NAALADL2: variants seen among roughly 807,000 people sequenced by gnomAD.
The protein encoded by NAALADL2 is inactive N-acetylated-alpha-linked acidic dipeptidase-like protein 2.
In NAALADL2, 76 loss-of-function variants were observed where a neutral mutation model predicts 87.2. The ratio of observed to expected loss-of-function variants is 0.87; its 90% CI spans 0.72 to 1.05. The LOEUF is 1.05. Among genes scored for constraint, NAALADL2 ranks in the 50% least tolerant of loss-of-function variants. The probability of loss-of-function intolerance (pLI) is 0.00; values close to 1 mark genes in which losing one functional copy is unlikely to be tolerated. For missense variants in NAALADL2, 1,089 were observed against 945.8 expected (o/e 1.15, Z -1.99); for synonymous variants, 354 against 331.0 (o/e 1.07, Z -0.75).
intron 1 of NAALADL2, among the ~76,000 whole-genome samples, chr3:175,060,328 A>G (rs1713161606): frequency 6.6e-6 from 1 of 152,222 alleles, no homozygotes; most frequent in African/African-American, 2.4e-5. Flanking sequence ...AAGTTCGTAA[A>G]TACAAATAGA....
rs76324121 is a variant in NAALADL2 at position 174,674,377 on chromosome 3, T to C, written c.-114-63264T>C. On this transcript the variant is annotated intron_variant, in intron 2 of 3. Coordinates refer to the NAALADL2 transcript ENST00000434257. ...CAGATCCAAACCATATCAGCATGTC[T>C]AAAAGGTGAGGAGACAGCCATTCCA... 4.8e-3 allele frequency among the ~76,000 whole-genome samples: 728 copies of C among 152,074 alleles called. 7 individuals are homozygous for C. The highest frequency in any genetic ancestry group is 0.017 in the African/African-American group (700 of 41,516).
chr3:174,886,877 G>T (rs1387353908), intron 1 of NAALADL2, among the ~76,000 whole-genome samples: 2 of 151,780 alleles, frequency 1.3e-5, no homozygotes, highest in Non-Finnish European at 2.9e-5. Context: ...ATTTCTATTG[G>T]GTCCTTTGGC....
intron 7 of NAALADL2, 22 bp from the exon 8 acceptor site, chr3:175,466,957 T>C: frequency 6.4e-7 from 1 of 1,568,682 alleles, no homozygotes; most frequent in Non-Finnish European, 8.8e-7. Context: ...TTTAAATGGC[T>C]CTTGTCCCTT....
At chr3:175,292,978 A>G (rs992768955) in intron 4 of NAALADL2, among the ~76,000 whole-genome samples, 1 of 145,660 alleles carries the variant, frequency 6.9e-6, no homozygotes, top group Non-Finnish European at 1.5e-5. Flanking sequence ...CGGAGCTTGC[A>G]ATGAGCCGAG....
chr3:174,795,722 A>G (rs1422121556), intron 3 of NAALADL2, among the ~76,000 whole-genome samples: 2 of 152,192 alleles, frequency 1.3e-5, no homozygotes, highest in Non-Finnish European at 2.9e-5. Context: ...CTTGTATAGT[A>G]TAGCTATCCT....
At chr3:174,535,530 T>C (rs1271692513) in intron 1 of NAALADL2, among the ~76,000 whole-genome samples, 1 of 152,160 alleles carries the variant, frequency 6.6e-6, no homozygotes, top group East Asian at 1.9e-4. Context: ...CTACTATTTA[T>C]TGACAATTTG....
chr3:174,826,949 T>A (rs926083440), intron 3 of NAALADL2, among the ~76,000 whole-genome samples: 20 of 152,262 alleles, frequency 1.3e-4, no homozygotes, highest in African/African-American at 4.8e-4. Flanking sequence ...TTAGCCTAAA[T>A]TAATTAAGAA....
chr3:174,552,399 A>T (rs1331278648), intron 2 of NAALADL2, among the ~76,000 whole-genome samples: 1 of 152,152 alleles, frequency 6.6e-6, no homozygotes, highest in Non-Finnish European at 1.5e-5. Flanking sequence ...ATAGTTTTTA[A>T]TTTCACATTC....
chr3:174,609,164 C>A (rs895356666), intron 2 of NAALADL2, among the ~76,000 whole-genome samples: 2 of 152,100 alleles, frequency 1.3e-5, no homozygotes, highest in African/African-American at 2.4e-5. Context: ...GGATGTATGT[C>A]AAAATAATAA....
chr3:174,916,877 T>C (rs1282322541), intron 1 of NAALADL2, among the ~76,000 whole-genome samples: 1 of 152,090 alleles, frequency 6.6e-6, no homozygotes, highest in Non-Finnish European at 1.5e-5. Flanking sequence ...AAAAATTAAA[T>C]TACTTAAAAA....
chr3:175,416,719 A>T (rs1241742771), intron 5 of NAALADL2, among the ~76,000 whole-genome samples: 1 of 152,160 alleles, frequency 6.6e-6, no homozygotes, highest in East Asian at 1.9e-4. Context: ...TTAGCCCTTA[A>T]GGCTCTTTTC....
intron 10 of NAALADL2, among the ~76,000 whole-genome samples, chr3:175,596,997 T>A (rs1262043283): frequency 6.6e-6 from 1 of 152,000 alleles, no homozygotes; most frequent in Non-Finnish European, 1.5e-5. Flanking sequence ...ATGGCATTTA[T>A]ATGTAATATA....
At position 174,761,185 on chromosome 3, in the gene NAALADL2, C is replaced by T. The variant is rs371635286; in HGVS notation, c.-9+23439C>T. On this transcript the variant is annotated intron_variant, in intron 3 of 3. Coordinates refer to the NAALADL2 transcript ENST00000434257. Reference sequence around the variant, plus strand: ...ATGGTTCTATATGAAAATCTATTTCCGAGTGCCTAGCAGTATCTATCTTAT... The same window carrying T: ...ATGGTTCTATATGAAAATCTATTTCTGAGTGCCTAGCAGTATCTATCTTAT... Among the ~76,000 whole-genome samples the T allele has an allele frequency of 9.9e-5, 15 of 152,128 alleles. No homozygotes were observed. In the East Asian group the frequency reaches 1.4e-3, roughly 14 times the overall value.
At chr3:175,600,663 G>A (rs184223964) in intron 10 of NAALADL2, among the ~76,000 whole-genome samples, 3 of 145,028 alleles carry the variant, frequency 2.1e-5, no homozygotes, top group Admixed American at 7.2e-5. Flanking sequence ...TCAGCCTCCC[G>A]AGTAGCTGGG....
At chr3:174,994,801 T>A (rs1173737209) in intron 1 of NAALADL2, among the ~76,000 whole-genome samples, 3 of 152,220 alleles carry the variant, frequency 2.0e-5, no homozygotes, top group Non-Finnish European at 4.4e-5. Context: ...ACATTATTTT[T>A]AATATATTTT....
At chr3:175,049,036 A>T (rs1214000808) in intron 1 of NAALADL2, among the ~76,000 whole-genome samples, 1 of 152,132 alleles carries the variant, frequency 6.6e-6, no homozygotes, top group Non-Finnish European at 1.5e-5. Context: ...ATCCATGGGG[A>T]TACATCCTAA....
chr3:174,669,275 T>C (rs1726290583), intron 2 of NAALADL2, among the ~76,000 whole-genome samples: 1 of 151,816 alleles, frequency 6.6e-6, no homozygotes, highest in African/African-American at 2.4e-5. Flanking sequence ...TTTTTTTTTC[T>C]TGTAAATTTG....
At chr3:175,599,074 C>A (rs1722613552) in intron 10 of NAALADL2, among the ~76,000 whole-genome samples, 1 of 152,040 alleles carries the variant, frequency 6.6e-6, no homozygotes, top group Non-Finnish European at 1.5e-5. Flanking sequence ...ATGGTGTGGC[C>A]TCAGTGGCAA....
chr3:175,100,642 A>T (rs970047673), intron 2 of NAALADL2, among the ~76,000 whole-genome samples: 3 of 152,112 alleles, frequency 2.0e-5, no homozygotes, highest in African/African-American at 7.2e-5. Flanking sequence ...GTTCAAGACC[A>T]GCCTGGCCAA....
Sources: gnomAD v4.1 joint callset for allele counts (sites outside exome capture counted in the v4.1 genomes callset) on GRCh38, gnomAD v4.1.1 for gene constraint, MANE v1.5 for transcripts, NCBI Gene and HGNC (gene_info 2026-07-23, HGNC 2026-07-21) for gene names.